PCDHGA12: variants seen among roughly 807,000 people sequenced by gnomAD.
The protein encoded by PCDHGA12 is protocadherin gamma subfamily A, 12.
In PCDHGA12, 43 loss-of-function variants were observed where a neutral mutation model predicts 61.1. The observed-to-expected ratio is 0.70, with a 90% CI of 0.55 to 0.91. The LOEUF (loss-of-function observed/expected upper bound fraction) is 0.91. Among genes scored for constraint, PCDHGA12 ranks in the 40% least tolerant of loss-of-function variants. The pLI is 0.00. For missense variants in PCDHGA12, 1,236 were observed against 1,227.7 expected, an observed-to-expected ratio of 1.01 and a Z score of -0.10; for synonymous variants, 520 against 542.9, an observed-to-expected ratio of 0.96 and a Z score of 0.59.
chr5:141,491,441 A>G lies in PCDHGA12; in HGVS notation c.2425-3366A>G, dbSNP rs776616506. 1.2e-6 allele frequency: 2 copies of G among 1,614,146 alleles called. No homozygotes were observed. The highest frequency in any genetic ancestry group is 1.7e-6 in the Non-Finnish European group (2 of 1,180,032). ...GGTGGAGGGCAGTGCTGCAGGCGCCAGGACTCACCCTCCCCGGACTTCTAT... is the reference window on the plus strand; with the variant it reads ...GGTGGAGGGCAGTGCTGCAGGCGCCGGGACTCACCCTCCCCGGACTTCTAT... On this transcript the variant is annotated intron_variant, in intron 1 of 3. Coordinates refer to ENST00000252085, the MANE Select transcript of PCDHGA12 (RefSeq NM_003735.3). The surrounding 1 kb of genome is among the most constrained non-coding windows in gnomAD (Gnocchi z 6.9).
intron 1 of PCDHGA12, among the ~76,000 whole-genome samples, chr5:141,463,861 A>G (rs1308802167): frequency 1.3e-5 from 2 of 152,340 alleles, no homozygotes; most frequent in East Asian, 1.9e-4. Context: ...ATCTGGTTTC[A>G]CATGACTGAA....
At chr5:141,455,041 T>C (rs971722465) in intron 1 of PCDHGA12, among the ~76,000 whole-genome samples, 2 of 151,234 alleles carry the variant, frequency 1.3e-5, no homozygotes, top group Non-Finnish European at 2.9e-5. Flanking sequence ...CTCGATCTCC[T>C]GACCTCGTGA....
At position 141,430,677 on chromosome 5, in the gene PCDHGA12, T is replaced by C. The variant is rs888907330; in HGVS notation, c.-83T>C. On this transcript the variant is annotated 5_prime_UTR_variant, in exon 1 of 4. Coordinates refer to ENST00000252085, the MANE Select transcript of PCDHGA12 (RefSeq NM_003735.3). ...AACGGAGGAGCTCTGACTTCCCAAC[T>C]GTCCCATTCTATGGGCGAAGGAACT... 1.2e-5 allele frequency: 15 copies of C among 1,303,020 alleles called. No individual in the cohort carries two copies. In the African/African-American group the frequency reaches 2.1e-4, roughly 18 times the overall value. The allele number at this position is 1,303,020 out of a possible 1,614,324, so 80.7% of individuals were successfully genotyped here. A position where few individuals can be genotyped will look rare whatever the true frequency, so the allele number is the denominator to read the frequency against.
chr5:141,471,338 A>G (rs1562030662), intron 1 of PCDHGA12: 1 of 152,234 alleles, frequency 6.6e-6, no homozygotes, highest in Non-Finnish European at 1.5e-5. Context: ...GGTATGATCC[A>G]CTGCGCCCGG....
intron 1 of PCDHGA12, among the ~76,000 whole-genome samples, chr5:141,464,139 C>T (rs1200161549): frequency 6.6e-6 from 1 of 151,928 alleles, no homozygotes; most frequent in Admixed American, 6.6e-5. Flanking sequence ...GTGGTGGGCG[C>T]CTGTAGTCCC....
At position 141,485,135 on chromosome 5, in the gene PCDHGA12, G is replaced by A; in HGVS notation, c.2425-9672G>A. 6.7e-7 allele frequency: 1 copy of A among 1,500,498 alleles called. No individual in the cohort carries two copies. Among genetic ancestry groups the A allele is most frequent in the East Asian group, 2.3e-5 (1 of 44,254 alleles). 92.9% of individuals were successfully genotyped at this position (1,500,498 alleles called of 1,614,324 possible). A position where few individuals can be genotyped will look rare whatever the true frequency, so the allele number is the denominator to read the frequency against. On this transcript the variant is annotated intron_variant, in intron 1 of 3. Coordinates refer to ENST00000252085, the MANE Select transcript of PCDHGA12 (RefSeq NM_003735.3). The surrounding 1 kb of genome is among the most constrained non-coding windows in gnomAD (Gnocchi z 5.7). ...TGTTTGGGGCGGGTCGGCTTCATCCGCGTCTCAGGAGCAAGTAGAGAATTA... is the reference window on the plus strand; with the variant it reads ...TGTTTGGGGCGGGTCGGCTTCATCCACGTCTCAGGAGCAAGTAGAGAATTA...
rs1210429084 is a variant in PCDHGA12 at position 141,487,045 on chromosome 5, T to C, written c.2425-7762T>C. 2 of 1,614,088 alleles carry C rather than the reference T, an allele frequency of 1.2e-6. No individual in the cohort carries two copies. Among genetic ancestry groups the C allele is most frequent in the Non-Finnish European group, 1.7e-6 (2 of 1,180,036 alleles). On this transcript the variant is annotated intron_variant, in intron 1 of 3. Coordinates refer to ENST00000252085, the MANE Select transcript of PCDHGA12 (RefSeq NM_003735.3). This position sits in a 1 kb window ranked among gnomAD's most constrained non-coding sequence, Gnocchi z 5.0. ...CCAGCCTGTTTGCAGTCTCTCGATA[T>C]GCTGGGGAGGTGCGGACGGCTGTTC...
At chr5:141,433,308 C>A in intron 1 of PCDHGA12, 125 bp downstream of exon 1, 2 of 915,352 alleles carry the variant, frequency 2.2e-6, no homozygotes, top group Non-Finnish European at 1.6e-6. Context: ...ATTATCCCAC[C>A]TTTGCCTCCG....
chr5:141,476,979 G>C lies in PCDHGA12; in HGVS notation c.2425-17828G>C. On this transcript the variant is annotated intron_variant, in intron 1 of 3. Coordinates refer to ENST00000252085, the MANE Select transcript of PCDHGA12 (RefSeq NM_003735.3). The surrounding 1 kb of genome is among the most constrained non-coding windows in gnomAD (Gnocchi z 7.6). Reference sequence around the variant, plus strand: ...ATTTACTCCTTCGGCAGCCACAACCGCGCCGGCGTGCGGCAACTATTCGCC... The same window carrying C: ...ATTTACTCCTTCGGCAGCCACAACCCCGCCGGCGTGCGGCAACTATTCGCC... 1 of 1,614,238 alleles carries C rather than the reference G, an allele frequency of 6.2e-7. No homozygotes were observed. The highest frequency in any genetic ancestry group is 1.3e-5 in the African/African-American group (1 of 75,074).
intron 2 of PCDHGA12, among the ~76,000 whole-genome samples, chr5:141,500,184 T>TTTTTTTTA (rs1554186429): frequency 7.8e-4 from 106 of 135,966 alleles, no homozygotes; most frequent in African/African-American, 2.4e-3. Context: ...TCATTTTTAT[T>TTTTTTTTA]TTTATTTATT....
chr5:141,459,084 A>T (rs2098960410), intron 1 of PCDHGA12, among the ~76,000 whole-genome samples: 2 of 152,204 alleles, frequency 1.3e-5, no homozygotes, highest in Non-Finnish European at 2.9e-5. Flanking sequence ...TGCCTTTTAA[A>T]ATTATACAGT....
intron 1 of PCDHGA12, chr5:141,478,144 G>A (rs2099432883): frequency 6.2e-7 from 1 of 1,613,918 alleles, no homozygotes; most frequent in Non-Finnish European, 8.5e-7. Flanking sequence ...CCCGAGCCGA[G>A]TTCCCCTCTG....
intron 2 of PCDHGA12, among the ~76,000 whole-genome samples, chr5:141,498,338 G>T (rs2237079): frequency 2.6e-5 from 4 of 151,600 alleles, no homozygotes; most frequent in Non-Finnish European, 5.9e-5. Flanking sequence ...CATTCCAAAT[G>T]GGAAAAGCCT....
intron 1 of PCDHGA12, among the ~76,000 whole-genome samples, chr5:141,459,532 TA>T (rs1031834752): frequency 6.6e-5 from 10 of 152,354 alleles, no homozygotes; most frequent in East Asian, 3.9e-4. Context: ...TTTGTAGGCA[TA>T]TTTTTTTTAT....
intron 1 of PCDHGA12, among the ~76,000 whole-genome samples, chr5:141,492,862 G>A (rs2099744602): frequency 6.6e-6 from 1 of 152,198 alleles, no homozygotes. Context: ...GAGCGCCCTG[G>A]CTCTCAACCC....
chr5:141,506,666 C>A (rs894880559), intron 3 of PCDHGA12, among the ~76,000 whole-genome samples: 2 of 152,120 alleles, frequency 1.3e-5, no homozygotes, highest in South Asian at 4.1e-4. Context: ...AGAGTAAGGG[C>A]ACAATATATT....
chr5:141,489,397 G>T lies in PCDHGA12; in HGVS notation c.2425-5410G>T. ...GGTGGGGAATGTTGCTCAGGATCTG[G>T]GCTTAAAGATGACAGATCTGTTGAG... On this transcript the variant is annotated intron_variant, in intron 1 of 3. Coordinates refer to ENST00000252085, the MANE Select transcript of PCDHGA12 (RefSeq NM_003735.3). The surrounding 1 kb of genome is among the most constrained non-coding windows in gnomAD (Gnocchi z 4.5). 2 of 1,614,176 alleles carry T rather than the reference G, an allele frequency of 1.2e-6. No individual in the cohort carries two copies. Among genetic ancestry groups the T allele is most frequent in the Non-Finnish European group, 1.7e-6 (2 of 1,180,038 alleles).
chr5:141,489,696 C>T lies in PCDHGA12; in HGVS notation c.2425-5111C>T. On this transcript the variant is annotated intron_variant, in intron 1 of 3. Transcript: ENST00000252085. This position sits in a 1 kb window ranked among gnomAD's most constrained non-coding sequence, Gnocchi z 4.5. ...AATCAGCAGCATCTGGGGCACGATT[C>T]CCACTGGACAGTGCCCAGGATCCGG... 6.2e-7 allele frequency: 1 copy of T among 1,614,170 alleles called. No homozygotes were observed. Among genetic ancestry groups the T allele is most frequent in the Non-Finnish European group, 8.5e-7 (1 of 1,180,002 alleles).
intron 1 of PCDHGA12, among the ~76,000 whole-genome samples, chr5:141,461,100 T>C (rs926482549): frequency 1.1e-4 from 16 of 152,062 alleles, no homozygotes; most frequent in African/African-American, 3.6e-4. Context: ...TATAAACATA[T>C]GTGTCCAAGT....
Sources: allele counts gnomAD v4.1 joint callset (sites outside exome capture counted in the v4.1 genomes callset), GRCh38; gene constraint gnomAD v4.1.1; non-coding constraint Gnocchi (gnomAD v3.1); transcripts MANE v1.5; gene names NCBI Gene and HGNC (gene_info 2026-07-23, HGNC 2026-07-21).